WBP2NL: variants seen among roughly 807,000 people sequenced by gnomAD.
WBP2NL encodes WBP2 N-terminal like.
Under a neutral mutation model 23.3 loss-of-function variants are expected in WBP2NL, and 27 were observed. The ratio of observed to expected loss-of-function variants is 1.16; its 90% CI spans 0.85 to 1.60. WBP2NL has a LOEUF of 1.60. Ranked by LOEUF, WBP2NL falls within the 40% of genes most tolerant of loss-of-function variation. The pLI is 0.00. For missense variants in WBP2NL, 370 were observed against 389.5 expected, an observed-to-expected ratio of 0.95 and a Z score of 0.42; for synonymous variants, 151 against 145.9, an observed-to-expected ratio of 1.03 and a Z score of -0.25.
intron 4 of WBP2NL, among the ~76,000 whole-genome samples, chr22:42,020,868 G>GTGTATATATA (rs1556297174): frequency 2.0e-4 from 3 of 15,238 alleles, no homozygotes; most frequent in Non-Finnish European, 2.0e-4. Flanking sequence ...GTGTGTGTGT[G>GTGTATATATA]TATATATATA....
chr22:42,040,012 A>G (rs1002447628), intron 8 of WBP2NL, among the ~76,000 whole-genome samples: 1 of 151,548 alleles, frequency 6.6e-6, no homozygotes, highest in Non-Finnish European at 1.5e-5. Context: ...CCTGGGTTCA[A>G]GCGATTCTCC....
rs538942089 is a variant in WBP2NL at position 42,017,923 on chromosome 22, C to T, written c.63-1388C>T. Among the ~76,000 whole-genome samples the T allele has an allele frequency of 2.7e-4, 41 of 151,868 alleles. No homozygotes were observed. In the South Asian group the frequency reaches 7.7e-3, roughly 28 times the overall value. On this transcript the variant is annotated intron_variant, in intron 1 of 5. Transcript: ENST00000328823. Reference sequence around the variant, plus strand: ...CAGCACTTTGGGAGGTCGAGGCGGGCGGATCACCTGAGGTCAGGAGTTCCA... The same window carrying T: ...CAGCACTTTGGGAGGTCGAGGCGGGTGGATCACCTGAGGTCAGGAGTTCCA...
At position 42,027,817 on chromosome 22, in the gene WBP2NL, A is replaced by G. The variant is rs866944798; in HGVS notation, c.*636A>G. ...TAGGAAAAAGTGATTTTCAACATATATATTAATTTATAGTCAGAATACGTG... is the reference window on the plus strand; with the variant it reads ...TAGGAAAAAGTGATTTTCAACATATGTATTAATTTATAGTCAGAATACGTG... On this transcript the variant is annotated 3_prime_UTR_variant, in exon 6 of 6. Coordinates refer to ENST00000328823, the MANE Select transcript of WBP2NL (RefSeq NM_152613.3). 102 of 396,710 alleles carry G rather than the reference A, an allele frequency of 2.6e-4. No homozygotes were observed. Among genetic ancestry groups the G allele is most frequent in the Middle Eastern group, 6.2e-4 (1 of 1,604 alleles). 24.6% of individuals were successfully genotyped at this position (396,710 alleles called of 1,614,324 possible).
Position 42,027,103 on chromosome 22 carries a change from T to C in WBP2NL, c.852T>C (p.Pro284=). The change falls in exon 6 of 6, where the codon CCT becomes CCC. Residue 284 remains proline, a synonymous_variant. Transcript: ENST00000328823. The part of the protein sequence containing the change: ...RASPAGSGAR[P]QESTAAQAPE... ...CACCTGCTGGATCAGGAGCCAGGCC[T>C]CAGGAATCTACAGCAGCCCAGGCTC... The C allele has an allele frequency of 1.9e-6, 3 of 1,614,238 alleles. No homozygotes were observed. The highest frequency in any genetic ancestry group is 2.5e-6 in the Non-Finnish European group (3 of 1,180,048).
intron 8 of WBP2NL, among the ~76,000 whole-genome samples, chr22:42,057,771 GTTA>G (rs1374164002): frequency 1.4e-5 from 2 of 138,874 alleles, no homozygotes; most frequent in African/African-American, 5.5e-5. Flanking sequence ...ACATAGATTG[GTTA>G]TTAGATTATT....
chr22:42,026,417 CT>C (rs1301330319), intron 5 of WBP2NL, among the ~76,000 whole-genome samples: 3 of 151,738 alleles, frequency 2.0e-5, no homozygotes, highest in Non-Finnish European at 4.4e-5. Flanking sequence ...TTATAGATGG[CT>C]TTTTTCCATT....
rs1921209875 is a variant in WBP2NL at position 41,998,836 on chromosome 22, C to T, written c.18C>T (p.Ser6=). 3 of 1,612,118 alleles carry T rather than the reference C, an allele frequency of 1.9e-6. No individual in the cohort carries two copies. The highest frequency in any genetic ancestry group is 1.3e-5 in the African/African-American group (1 of 74,942). The change falls in exon 1 of 6, where the codon AGC becomes AGT. Residue 6 remains serine (S), a synonymous_variant. Transcript: ENST00000328823. MAVNQ[S]HTENRRGALI... ...GAAGCAAGATGGCGGTGAATCAGAG[C>T]CACACCGAGAACCGCCGCGGAGCCC...
downstream of WBP2NL, among the ~76,000 whole-genome samples, chr22:42,028,969 T>C (rs374282642): frequency 1.3e-5 from 2 of 152,216 alleles, no homozygotes; most frequent in East Asian, 1.9e-4. Flanking sequence ...CTCCCACTTA[T>C]TTCCTAATTG....
In WBP2NL at chr22:42,042,015, A is replaced by C. The variant is rs140558511; in HGVS notation, c.*273+11192A>C. On this transcript the variant is annotated intron_variant and NMD_transcript_variant, in intron 8 of 8. Transcript: ENST00000436265. ...ATATTATCCCATTCTTTCCTGGCCT[A>C]CAAAATTTTTGTGGAGAAATCTGCT... 4.9e-4 allele frequency among the ~76,000 whole-genome samples: 74 copies of C among 152,348 alleles called. No homozygotes were observed. In the East Asian group the frequency reaches 9.6e-3, roughly 20 times the overall value.
chr22:42,004,107 C>T (rs191471359), intron 1 of WBP2NL, among the ~76,000 whole-genome samples: 1 of 152,036 alleles, frequency 6.6e-6, no homozygotes, highest in African/African-American at 2.4e-5. Flanking sequence ...CCTGTCTCTA[C>T]TAAGAATATG....
At position 41,998,886 on chromosome 22, in the gene WBP2NL, T is replaced by C. The variant is rs1921219916; in HGVS notation, c.62+6T>C. The C allele has an allele frequency of 6.2e-7, 1 of 1,605,506 alleles. No homozygotes were observed. On this transcript the variant is annotated splice_donor_region_variant and intron_variant, in intron 1 of 5. Coordinates refer to ENST00000328823, the MANE Select transcript of WBP2NL (RefSeq NM_152613.3). ...CTCATCCCTAACGGTGAAAGGTGCC[T>C]GAGGGGAAGCACGGCGTGCTGTCGG... is the stretch of plus-strand genomic sequence containing the variant.
At chr22:42,052,404 G>T (rs1056346372) in intron 8 of WBP2NL, among the ~76,000 whole-genome samples, 7 of 151,986 alleles carry the variant, frequency 4.6e-5, no homozygotes, top group African/African-American at 1.7e-4. Context: ...CCAGCCTCTC[G>T]AGTAGGTGGG....
intron 8 of WBP2NL, among the ~76,000 whole-genome samples, chr22:42,038,889 C>G (rs1925290244): frequency 6.6e-6 from 1 of 150,578 alleles, no homozygotes; most frequent in African/African-American, 2.4e-5. Flanking sequence ...CAGGCGTGAG[C>G]CACTGCGTCC....
chr22:42,053,899 G>A (rs976619811), intron 8 of WBP2NL, among the ~76,000 whole-genome samples: 1 of 151,916 alleles, frequency 6.6e-6, no homozygotes, highest in African/African-American at 2.4e-5. Flanking sequence ...GACCCTAGTT[G>A]GAGTATATGA....
At chr22:42,021,789 C>CTTTTTTTT (rs11413615) in intron 4 of WBP2NL, among the ~76,000 whole-genome samples, 1 of 132,696 alleles carries the variant, frequency 7.5e-6, no homozygotes. Context: ...TTCTTTCTTT[C>CTTTTTTTT]TTTTTTTTTT....
chr22:42,016,040 G>A (rs1252818089), intron 1 of WBP2NL, among the ~76,000 whole-genome samples: 1 of 151,826 alleles, frequency 6.6e-6, no homozygotes, highest in African/African-American at 2.4e-5. Flanking sequence ...GGAGTGCAAT[G>A]GGAAGATCTT....
chr22:42,052,174 T>G (rs1925859508), intron 8 of WBP2NL, among the ~76,000 whole-genome samples: 1 of 152,172 alleles, frequency 6.6e-6, no homozygotes, highest in Admixed American at 6.5e-5. Flanking sequence ...TTTGTAGAGG[T>G]AAAGGTCTGT....
At chr22:42,056,918 G>T (rs571483485) in intron 8 of WBP2NL, among the ~76,000 whole-genome samples, 2 of 152,196 alleles carry the variant, frequency 1.3e-5, no homozygotes, top group East Asian at 3.9e-4. Context: ...TTTCTGATGA[G>T]AAGTCAGTTG....
At chr22:42,008,254 G>T (rs1437013597) in intron 1 of WBP2NL, among the ~76,000 whole-genome samples, 1 of 143,548 alleles carries the variant, frequency 7.0e-6, no homozygotes. Context: ...TGTCACTCAG[G>T]CTGTAGTGTA....
Sources: allele counts gnomAD v4.1 joint callset (sites outside exome capture counted in the v4.1 genomes callset), GRCh38; gene constraint gnomAD v4.1.1; transcripts MANE v1.5; gene names NCBI Gene and HGNC (gene_info 2026-07-23, HGNC 2026-07-21).